P3H2: variants seen among roughly 807,000 people sequenced by gnomAD.
P3H2 encodes prolyl 3-hydroxylase 2.
A neutral mutation model predicts 87.0 loss-of-function variants in P3H2; 80 were observed. The observed-to-expected ratio is 0.92, with a 90% CI of 0.77 to 1.11. The LOEUF (loss-of-function observed/expected upper bound fraction) is 1.11. Among genes scored for constraint, P3H2 ranks in the 50% least tolerant of loss-of-function variants. P3H2 has a pLI of 0.00. For missense variants in P3H2, 1,001 were observed against 923.9 expected (o/e 1.08, Z -1.08); for synonymous variants, 367 against 359.3 (o/e 1.02, Z -0.24).
At position 189,995,274 on chromosome 3, in the gene P3H2, G is replaced by T. The variant is rs1724015439; in HGVS notation, c.633+16C>A. 6.2e-7 allele frequency: 1 copy of T among 1,613,364 alleles called. No individual in the cohort carries two copies. The highest frequency in any genetic ancestry group is 1.3e-5 in the African/African-American group (1 of 74,834). ...CTTAGCTCCCTGTGGTGAGGGCAGG[G>T]GCCCACAGAGCTTACCATGTGTGGC... is the stretch of plus-strand genomic sequence containing the variant. On this transcript the variant is annotated intron_variant, in intron 2 of 14. Transcript: ENST00000319332.
At chr3:189,974,028 C>T (rs375730204) in intron 9 of P3H2, 24 bp from the exon 10 acceptor site, 36 of 1,563,778 alleles carry the variant, frequency 2.3e-5, no homozygotes, top group South Asian at 2.1e-4. Context: ...CAAGAAGATA[C>T]GTCATCAATG....
chr3:190,045,274 T>C (rs1413760288), intron 1 of P3H2, among the ~76,000 whole-genome samples: 1 of 152,192 alleles, frequency 6.6e-6, no homozygotes, highest in East Asian at 1.9e-4. Context: ...TATTTTGCAA[T>C]GATGAGAAAA....
At chr3:190,052,250 C>A (rs539619313) in intron 1 of P3H2, among the ~76,000 whole-genome samples, 2 of 151,972 alleles carry the variant, frequency 1.3e-5, no homozygotes, top group African/African-American at 2.4e-5. Context: ...TTGCCCCTCA[C>A]CCCCCGACAA....
intron 1 of P3H2, among the ~76,000 whole-genome samples, chr3:190,030,285 G>A (rs929978339): frequency 9.9e-5 from 15 of 152,140 alleles, no homozygotes; most frequent in Admixed American, 8.5e-4. Context: ...AAAACAATGA[G>A]ATTTTGGCTG....
At chr3:189,987,955 A>T (rs1312254460) in intron 4 of P3H2, among the ~76,000 whole-genome samples, 1 of 152,240 alleles carries the variant, frequency 6.6e-6, no homozygotes, top group Non-Finnish European at 1.5e-5. Context: ...TATTTAACAC[A>T]TATAAACAGC....
chr3:189,971,621 A>AT (rs1210824835), intron 12 of P3H2: 4 of 415,778 alleles, frequency 9.6e-6, no homozygotes, highest in Non-Finnish European at 1.8e-5. Context: ...GAGAACAGGA[A>AT]TTTTTTTAAA....
At chr3:190,111,545 A>G (rs1276221392) in intron 1 of P3H2, among the ~76,000 whole-genome samples, 2 of 152,170 alleles carry the variant, frequency 1.3e-5, no homozygotes, top group African/African-American at 2.4e-5. Flanking sequence ...TTTTTTAAAA[A>G]AAATCAGTCA....
chr3:190,097,003 C>A (rs796548703), intron 1 of P3H2, among the ~76,000 whole-genome samples: 15 of 152,258 alleles, frequency 9.9e-5, no homozygotes, highest in African/African-American at 3.1e-4. Context: ...AGAGCACTGG[C>A]CTTGGAGTCA....
At position 189,984,510 on chromosome 3, in the gene P3H2, C is replaced by A. The variant is rs111358885; in HGVS notation, c.1229+40G>T. On this transcript the variant is annotated intron_variant, in intron 7 of 14. Coordinates refer to ENST00000319332, the MANE Select transcript of P3H2 (RefSeq NM_018192.4). ...TGATAGGTTATGACACTAAGTATTT[C>A]TCCTCATAAAAAACCAGTTTGCATT... is the stretch of plus-strand genomic sequence containing the variant. 2,951 of 1,461,326 alleles carry A rather than the reference C, an allele frequency of 2.0e-3. 34 individuals are homozygous for A. In the African/African-American group the frequency reaches 0.023, roughly 11 times the overall value. The allele number at this position is 1,461,326 out of a possible 1,614,324, so 90.5% of individuals were successfully genotyped here. A position where few individuals can be genotyped will look rare whatever the true frequency, so the allele number is the denominator to read the frequency against.
intron 1 of P3H2, among the ~76,000 whole-genome samples, chr3:190,114,201 T>G (rs1260756872): frequency 7.1e-6 from 1 of 140,170 alleles, no homozygotes; most frequent in Non-Finnish European, 1.5e-5. Context: ...TTTTTTTTTT[T>G]GAGGCGGAGT....
At chr3:189,975,294 C>T (rs1389756289) in intron 8 of P3H2, among the ~76,000 whole-genome samples, 1 of 152,180 alleles carries the variant, frequency 6.6e-6, no homozygotes, top group Non-Finnish European at 1.5e-5. Flanking sequence ...CCTTAGGCAC[C>T]TACTCTCTTC....
At chr3:190,057,004 G>A (rs1274541593) in intron 1 of P3H2, among the ~76,000 whole-genome samples, 1 of 152,200 alleles carries the variant, frequency 6.6e-6, no homozygotes, top group Non-Finnish European at 1.5e-5. Flanking sequence ...TTCATTTATA[G>A]CAGAGAGGAC....
chr3:190,072,153 G>A (rs193009516), intron 1 of P3H2, among the ~76,000 whole-genome samples: 101 of 152,006 alleles, frequency 6.6e-4, no homozygotes, highest in African/African-American at 2.3e-3. Flanking sequence ...AGCTTTCTGC[G>A]TAACTGGGAT....
At chr3:190,052,146 A>G (rs188628023) in intron 1 of P3H2, among the ~76,000 whole-genome samples, 15 of 152,280 alleles carry the variant, frequency 9.9e-5, no homozygotes, top group African/African-American at 2.9e-4. Flanking sequence ...ATAGGTATAC[A>G]TGTGCCGTGG....
intron 1 of P3H2, among the ~76,000 whole-genome samples, chr3:190,090,074 C>T (rs1000125701): frequency 3.9e-5 from 6 of 152,116 alleles, no homozygotes; most frequent in Admixed American, 1.3e-4. Flanking sequence ...TTTATTTGGG[C>T]TTTGCCTGCC....
chr3:189,998,964 C>A (rs577019209), intron 1 of P3H2, among the ~76,000 whole-genome samples: 16 of 152,248 alleles, frequency 1.1e-4, no homozygotes, highest in Non-Finnish European at 2.2e-4. Flanking sequence ...AAGACCTCCA[C>A]TGATCTGACA....
chr3:189,974,285 T>C (rs1577248670), intron 9 of P3H2: 1 of 594,218 alleles, frequency 1.7e-6, no homozygotes, highest in East Asian at 2.8e-5. Flanking sequence ...TAAAAGGATT[T>C]CTCCAGCAAC....
chr3:190,070,917 A>G (rs1357327359), intron 1 of P3H2, among the ~76,000 whole-genome samples: 1 of 152,262 alleles, frequency 6.6e-6, no homozygotes, highest in Non-Finnish European at 1.5e-5. Context: ...TATTACATGT[A>G]GGCTGCACAC....
At chr3:190,089,842 C>T (rs1298598373) in intron 1 of P3H2, among the ~76,000 whole-genome samples, 1 of 152,138 alleles carries the variant, frequency 6.6e-6, no homozygotes, top group Non-Finnish European at 1.5e-5. Flanking sequence ...AGGCTACCAC[C>T]GTGGTGCAAT....
Sources: allele counts gnomAD v4.1 joint callset (sites outside exome capture counted in the v4.1 genomes callset), GRCh38; gene constraint gnomAD v4.1.1; transcripts MANE v1.5; gene names NCBI Gene and HGNC (gene_info 2026-07-23, HGNC 2026-07-21).